ESRRG: variants seen among roughly 807,000 people sequenced by gnomAD.
ESRRG encodes the protein estrogen related receptor gamma.
Under a neutral mutation model 44.0 loss-of-function variants are expected in ESRRG, and 13 were observed. That is an observed-to-expected ratio of 0.30 (90% CI 0.19 to 0.47). ESRRG has a LOEUF of 0.47. Ranked by LOEUF, ESRRG falls within the 20% of genes least tolerant of loss-of-function variation. ESRRG has a pLI of 1.00. For missense variants in ESRRG, 395 were observed against 580.6 expected (o/e 0.68, Z 3.29); for synonymous variants, 215 against 214.6 (o/e 1.00, Z -0.02).
chr1:216,747,738 A>T (rs563831951), intron 2 of ESRRG, among the ~76,000 whole-genome samples: 1 of 152,288 alleles, frequency 6.6e-6, no homozygotes, highest in Non-Finnish European at 1.5e-5. Context: ...TACCAACTTT[A>T]CTGTGAGAAA....
At chr1:217,133,641 C>CTTTCCTTCTTTCTTTCTTTCTT (rs748711287) in intron 1 of ESRRG, among the ~76,000 whole-genome samples, 6 of 41,786 alleles carry the variant, frequency 1.4e-4, no homozygotes, top group African/African-American at 4.4e-4. Context: ...TTCTCTCTCT[C>CTTTCCTTCTTTCTTTCTTTCTT]TCTCTCTTTC....
chr1:216,972,596 C>T (rs935719616), intron 1 of ESRRG, among the ~76,000 whole-genome samples: 1 of 152,152 alleles, frequency 6.6e-6, no homozygotes, highest in African/African-American at 2.4e-5. Flanking sequence ...CACTGACATG[C>T]TGGAACCTCA....
At chr1:216,756,477 G>A (rs181745633) in intron 2 of ESRRG, among the ~76,000 whole-genome samples, 4 of 152,020 alleles carry the variant, frequency 2.6e-5, no homozygotes, top group East Asian at 3.9e-4. Context: ...GAGCTTCAAC[G>A]AGAGGAATTT....
intron 1 of ESRRG, among the ~76,000 whole-genome samples, chr1:217,047,170 C>A (rs535173500): frequency 4.6e-4 from 70 of 152,094 alleles, no homozygotes; most frequent in Middle Eastern, 3.4e-3. Flanking sequence ...TAGTTACCAT[C>A]TTCTAATTTA....
intron 1 of ESRRG, among the ~76,000 whole-genome samples, chr1:216,961,789 T>C (rs1204707750): frequency 6.6e-6 from 1 of 152,154 alleles, no homozygotes; most frequent in Non-Finnish European, 1.5e-5. Context: ...TAAAACTTCA[T>C]TTAAGTTTTT....
chr1:216,967,400 C>T (rs1024426962), intron 1 of ESRRG, among the ~76,000 whole-genome samples: 5 of 152,160 alleles, frequency 3.3e-5, no homozygotes, highest in African/African-American at 1.2e-4. Context: ...ACCCTGCAGT[C>T]CCCAACCTCT....
At chr1:216,947,567 G>A (rs908158618) in intron 1 of ESRRG, among the ~76,000 whole-genome samples, 25 of 152,144 alleles carry the variant, frequency 1.6e-4, no homozygotes, top group Non-Finnish European at 4.4e-5. Context: ...GGCTGGGGCT[G>A]TACGTGAGTA....
intron 1 of ESRRG, among the ~76,000 whole-genome samples, chr1:217,103,152 A>G (rs571787748): frequency 6.8e-6 from 1 of 146,234 alleles, no homozygotes; most frequent in East Asian, 1.9e-4. Context: ...GAGTTTTTAC[A>G]TGTTTATTCT....
intron 1 of ESRRG, among the ~76,000 whole-genome samples, chr1:216,946,345 T>A (rs1168245063): frequency 1.3e-5 from 2 of 151,952 alleles, no homozygotes; most frequent in East Asian, 3.9e-4. Flanking sequence ...GTTCGAGAGG[T>A]GCTATTTATC....
At chr1:217,116,167 G>C (rs1050485658) in intron 1 of ESRRG, among the ~76,000 whole-genome samples, 1 of 152,186 alleles carries the variant, frequency 6.6e-6, no homozygotes, top group Admixed American at 6.5e-5. Flanking sequence ...AGATAAAATA[G>C]ATTAAGATAG....
intron 3 of ESRRG, among the ~76,000 whole-genome samples, chr1:216,618,388 T>A (rs535716415): frequency 6.6e-6 from 1 of 152,326 alleles, no homozygotes; most frequent in East Asian, 1.9e-4. Context: ...AATCTATGAA[T>A]AAAGAACAGA....
Position 216,677,197 on chromosome 1 carries a change from T to C in ESRRG, c.351A>G (p.Glu117=). The C allele has an allele frequency of 6.2e-7, 1 of 1,614,154 alleles. No individual in the cohort carries two copies. The highest frequency in any genetic ancestry group is 8.5e-7 in the Non-Finnish European group (1 of 1,180,002). ...TIVEDPQTKC[E]YMLNSMPKRL... is the part of the protein sequence containing the mutation. Reference sequence around the variant, plus strand: ...TCTTGGGCATCGAGTTGAGCATGTATTCACACTTGGTCTGGGGATCTTCAA... The same window carrying C: ...TCTTGGGCATCGAGTTGAGCATGTACTCACACTTGGTCTGGGGATCTTCAA... Residue 117 remains glutamate (E), a synonymous_variant, in exon 2 of 7, where the codon GAA becomes GAG. Coordinates refer to ENST00000408911, the MANE Select transcript of ESRRG (RefSeq NM_001438.4).
chr1:216,575,211 G>A (rs570965515), intron 3 of ESRRG, among the ~76,000 whole-genome samples: 52 of 152,156 alleles, frequency 3.4e-4, no homozygotes, highest in African/African-American at 1.2e-3. Context: ...ATATTCACAC[G>A]TATACTCCAA....
intron 2 of ESRRG, among the ~76,000 whole-genome samples, chr1:216,875,669 C>A (rs991325360): frequency 1.3e-5 from 2 of 151,820 alleles, no homozygotes; most frequent in African/African-American, 4.8e-5. Context: ...ACTTCATTCT[C>A]ATGTTGATGA....
intron 1 of ESRRG, among the ~76,000 whole-genome samples, chr1:217,085,962 C>G (rs1488078161): frequency 6.6e-6 from 1 of 152,190 alleles, no homozygotes; most frequent in African/African-American, 2.4e-5. Context: ...CGTATGATTT[C>G]ACAGCTTTAA....
At chr1:216,556,840 A>G (rs2149452180) in intron 5 of ESRRG, among the ~76,000 whole-genome samples, 1 of 152,284 alleles carries the variant, frequency 6.6e-6, no homozygotes, top group East Asian at 1.9e-4. Flanking sequence ...TGTGTGTATC[A>G]TTAGCGCACA....
At chr1:216,903,409 G>A (rs1345161038) in intron 2 of ESRRG, among the ~76,000 whole-genome samples, 3 of 142,566 alleles carry the variant, frequency 2.1e-5, no homozygotes, top group African/African-American at 2.7e-5. Flanking sequence ...GCATATATAT[G>A]TGTGGTTGTG....
chr1:217,017,715 GA>G lies in ESRRG; in HGVS notation c.-106+71791del, dbSNP rs536345470. ...TAATATCTACGCCATAGGATTTCTG[GA>G]AAAAAAATTAATTAAAATAAAAAAT... On this transcript the variant is annotated intron_variant, in intron 1 of 7. Transcript: ENST00000359162. 3.5e-4 allele frequency among the ~76,000 whole-genome samples: 53 copies of G among 151,716 alleles called. No homozygotes were observed. The East Asian group carries it at 4.6e-3, about 13-fold the overall frequency.
At chr1:216,822,286 AC>A in intron 2 of ESRRG, among the ~76,000 whole-genome samples, 1 of 152,238 alleles carries the variant, frequency 6.6e-6, no homozygotes, top group South Asian at 2.1e-4. Context: ...AAATACCGAT[AC>A]TCTCTAATTA....
Sources: allele counts gnomAD v4.1 joint callset (sites outside exome capture counted in the v4.1 genomes callset), GRCh38; gene constraint gnomAD v4.1.1; transcripts MANE v1.5; gene names NCBI Gene and HGNC (gene_info 2026-07-23, HGNC 2026-07-21).